The following PCDHGB5 variants were observed in gnomAD, a reference collection of about 807,000 sequenced individuals.
The protein encoded by PCDHGB5 is protocadherin gamma subfamily B, 5.
A neutral mutation model predicts 62.9 loss-of-function variants in PCDHGB5; 48 were observed. That is an observed-to-expected ratio of 0.76 (90% CI 0.61 to 0.97). PCDHGB5 has a LOEUF of 0.97. Among genes scored for constraint, PCDHGB5 ranks in the 50% least tolerant of loss-of-function variants. The pLI is 0.00. For synonymous variants in PCDHGB5, 474 were observed against 511.2 expected, an observed-to-expected ratio of 0.93 and a Z score of 0.98; for missense variants, 1,118 against 1,198.6, an observed-to-expected ratio of 0.93 and a Z score of 0.99.
In PCDHGB5 at chr5:141,455,253, C is replaced by A. The variant is rs187877877; in HGVS notation, c.2398-39554C>A. 2.8e-3 allele frequency among the ~76,000 whole-genome samples: 433 copies of A among 151,986 alleles called. 1 individual carries two copies. Among genetic ancestry groups the A allele is most frequent in the Admixed American group, 0.021 (319 of 15,266 alleles). ...AAAATGTTAAAGGTCATAGTACAAT[C>A]GCATTTCTTCCCATTGATTATTAAC... is the stretch of plus-strand genomic sequence containing the variant. On this transcript the variant is annotated intron_variant, in intron 1 of 3. Coordinates refer to ENST00000617380, the MANE Select transcript of PCDHGB5 (RefSeq NM_018925.3).
intron 1 of PCDHGB5, chr5:141,413,388 C>G (rs765673305): frequency 6.2e-7 from 1 of 1,613,894 alleles, no homozygotes; most frequent in African/African-American, 1.3e-5. Context: ...TCCGCATAGT[C>G]TCCAGAGGTA....
intron 1 of PCDHGB5, among the ~76,000 whole-genome samples, chr5:141,464,901 G>A (rs1562002452): frequency 6.6e-6 from 1 of 151,916 alleles, no homozygotes; most frequent in Non-Finnish European, 1.5e-5. Context: ...ACCATGTCCA[G>A]CTAATTTTTT....
intron 1 of PCDHGB5, among the ~76,000 whole-genome samples, chr5:141,444,735 C>G (rs924159168): frequency 6.6e-6 from 1 of 152,116 alleles, no homozygotes; most frequent in Admixed American, 6.5e-5. Flanking sequence ...TGTTGAAAGT[C>G]ATTTCACTGA....
At chr5:141,467,185 TG>T (rs1295935271) in intron 1 of PCDHGB5, among the ~76,000 whole-genome samples, 1 of 152,004 alleles carries the variant, frequency 6.6e-6, no homozygotes, top group African/African-American at 2.4e-5. Context: ...CCCAAGTAGC[TG>T]GGATTACAGG....
intron 2 of PCDHGB5, among the ~76,000 whole-genome samples, chr5:141,505,177 A>G (rs917485235): frequency 6.6e-6 from 1 of 152,180 alleles, no homozygotes; most frequent in East Asian, 1.9e-4. Flanking sequence ...AAAAGAAAAA[A>G]GCATCGGAGG....
intron 1 of PCDHGB5, chr5:141,427,973 C>G (rs754410723): frequency 3.1e-6 from 5 of 1,593,936 alleles, no homozygotes; most frequent in Non-Finnish European, 3.4e-6. Flanking sequence ...TGCTGTACCC[C>G]GCGCTGGGGC....
rs777115265 is a variant in PCDHGB5, at chr5:141,485,247, G to C, written c.2398-9560G>C. ...CTTTTGTTCCTCTTTTACCACCTGG[G>C]TTACGTTTGTGGGCAGATCCGCTAC... On this transcript the variant is annotated intron_variant, in intron 1 of 3. Coordinates refer to ENST00000617380, the MANE Select transcript of PCDHGB5 (RefSeq NM_018925.3). This position sits in a 1 kb window ranked among gnomAD's most constrained non-coding sequence, Gnocchi z 5.7. 8.7e-6 allele frequency: 14 copies of C among 1,614,156 alleles called. No homozygotes were observed. In the African/African-American group the frequency reaches 1.6e-4, roughly 18 times the overall value.
Position 141,431,253 on chromosome 5 carries a change from A to G in PCDHGB5, c.2397+30729A>G, listed in dbSNP as rs1554123268. The G allele has an allele frequency of 1.2e-6, 2 of 1,614,132 alleles. No individual in the cohort carries two copies. Among genetic ancestry groups the G allele is most frequent in the South Asian group, 1.1e-5 (1 of 91,088 alleles). ...GCCTGGGATCCGGATATCGGGAAGA[A>G]CTCTCTGCAGAGCTACGAGCTCAGC... is the stretch of plus-strand genomic sequence containing the variant. On this transcript the variant is annotated intron_variant, in intron 1 of 3. Transcript: ENST00000617380. The surrounding 1 kb of genome is among the most constrained non-coding windows in gnomAD (Gnocchi z 4.8).
At chr5:141,459,218 C>T (rs2098963524) in intron 1 of PCDHGB5, among the ~76,000 whole-genome samples, 1 of 152,220 alleles carries the variant, frequency 6.6e-6, no homozygotes, top group South Asian at 2.1e-4. Context: ...TTCTCCAGCT[C>T]CAGGCAACAA....
At chr5:141,499,689 C>CTTT (rs545067566) in intron 2 of PCDHGB5, among the ~76,000 whole-genome samples, 57 of 119,830 alleles carry the variant, frequency 4.8e-4, no homozygotes, top group Non-Finnish European at 6.2e-4. Context: ...TAACAGATGA[C>CTTT]TTTTTTTTTT....
chr5:141,411,766 C>A (rs796623075), intron 1 of PCDHGB5: 1 of 152,454 alleles, frequency 6.6e-6, no homozygotes, highest in South Asian at 2.1e-4. Context: ...CCTGTGGTCT[C>A]AGCTACTCTG....
At chr5:141,436,707 T>C (rs985035872) in intron 1 of PCDHGB5, among the ~76,000 whole-genome samples, 18 of 152,208 alleles carry the variant, frequency 1.2e-4, no homozygotes, top group African/African-American at 4.3e-4. Context: ...GCACACTCGA[T>C]GTTCTGTTGG....
At chr5:141,455,430 G>C (rs190218223) in intron 1 of PCDHGB5, among the ~76,000 whole-genome samples, 1 of 152,274 alleles carries the variant, frequency 6.6e-6, no homozygotes, top group Admixed American at 6.5e-5. Flanking sequence ...CTCCAAAAGA[G>C]GAGGTCCCCA....
intron 1 of PCDHGB5, chr5:141,422,532 A>G (rs752364905): frequency 6.2e-7 from 1 of 1,614,030 alleles, no homozygotes; most frequent in South Asian, 1.1e-5. Flanking sequence ...CTTTGTCTGC[A>G]GAAACTCATG....
chr5:141,461,648 A>G (rs910827619), intron 1 of PCDHGB5, among the ~76,000 whole-genome samples: 2 of 152,070 alleles, frequency 1.3e-5, no homozygotes, highest in South Asian at 2.1e-4. Context: ...TCTTTGACCC[A>G]TGGATTATTT....
chr5:141,493,330 A>G lies in PCDHGB5; in HGVS notation c.2398-1477A>G, dbSNP rs979607147. 6.6e-6 allele frequency among the ~76,000 whole-genome samples: 1 copy of G among 152,182 alleles called. No homozygotes were observed. Among genetic ancestry groups the G allele is most frequent in the Non-Finnish European group, 1.5e-5 (1 of 68,020 alleles). On this transcript the variant is annotated intron_variant, in intron 1 of 3. Coordinates refer to ENST00000617380, the MANE Select transcript of PCDHGB5 (RefSeq NM_018925.3). The surrounding 1 kb of genome is among the most constrained non-coding windows in gnomAD (Gnocchi z 4.3). ...GTAAGAGAGATTCTAACCCCTGTCT[A>G]ACTCCAGAATGTGTGCTTTTAATTT... is the stretch of plus-strand genomic sequence containing the variant.
rs191188858 is a variant in PCDHGB5, at chr5:141,472,077, A to G, written c.2398-22730A>G. On this transcript the variant is annotated intron_variant, in intron 1 of 3. Transcript: ENST00000617380. ...GATTGACATGTCTGTGGTTATATCA[A>G]TGAGTACTATTATTATTCCCATTTT... 2.4e-3 allele frequency among the ~76,000 whole-genome samples: 365 copies of G among 152,346 alleles called. 2 individuals carry two copies. Among genetic ancestry groups the G allele is most frequent in the African/African-American group, 8.4e-3 (351 of 41,580 alleles).
At position 141,485,133 on chromosome 5, in the gene PCDHGB5, C is replaced by A; in HGVS notation, c.2398-9674C>A. On this transcript the variant is annotated intron_variant, in intron 1 of 3. Transcript: ENST00000617380. The surrounding 1 kb of genome is among the most constrained non-coding windows in gnomAD (Gnocchi z 5.7). Reference sequence around the variant, plus strand: ...GCTGTTTGGGGCGGGTCGGCTTCATCCGCGTCTCAGGAGCAAGTAGAGAAT... The same window carrying A: ...GCTGTTTGGGGCGGGTCGGCTTCATACGCGTCTCAGGAGCAAGTAGAGAAT... The A allele has an allele frequency of 2.7e-6, 4 of 1,492,492 alleles. No homozygotes were observed. The highest frequency in any genetic ancestry group is 1.7e-5 in the Admixed American group (1 of 58,334). The allele number at this position is 1,492,492 out of a possible 1,614,324, so 92.5% of individuals were successfully genotyped here.
At chr5:141,508,879 G>A (rs2547559) in intron 3 of PCDHGB5, among the ~76,000 whole-genome samples, 2 of 152,070 alleles carry the variant, frequency 1.3e-5, no homozygotes, top group East Asian at 3.9e-4. Context: ...AGAGGCTGAC[G>A]GCTGGAGGGG....
Sources: allele counts gnomAD v4.1 joint callset (sites outside exome capture counted in the v4.1 genomes callset), GRCh38; gene constraint gnomAD v4.1.1; non-coding constraint Gnocchi (gnomAD v3.1); transcripts MANE v1.5; gene names NCBI Gene and HGNC (gene_info 2026-07-23, HGNC 2026-07-21).